The following EIF3H variants were observed in gnomAD, a reference collection of about 807,000 sequenced individuals.
EIF3H encodes eIF-3-gamma.
A neutral mutation model predicts 44.2 loss-of-function variants in EIF3H; 26 were observed. That is an observed-to-expected ratio of 0.59 (90% CI 0.43 to 0.82). EIF3H has a LOEUF of 0.82. Among genes scored for constraint, EIF3H ranks in the 40% least tolerant of loss-of-function variants. The probability of loss-of-function intolerance (pLI) is 0.00; values close to 1 mark genes in which losing one functional copy is unlikely to be tolerated. For synonymous variants in EIF3H, 166 were observed against 151.9 expected (o/e 1.09, Z -0.68); for missense variants, 359 against 432.8 (o/e 0.83, Z 1.51).
Position 116,695,229 on chromosome 8 carries a change from G to A in EIF3H, c.289+30787C>T, listed in dbSNP as rs113432671. Among the ~76,000 whole-genome samples the A allele has an allele frequency of 6.9e-3, 1,054 of 151,964 alleles. 2 individuals are homozygous for A. Among genetic ancestry groups the A allele is most frequent in the Non-Finnish European group, 0.011 (722 of 67,944 alleles). ...TTTACAGGCATGCCCCATCACGCCC[G>A]GCTAATTTTTGTATTTCTTAGTAGA... On this transcript the variant is annotated intron_variant, in intron 2 of 7. Coordinates refer to ENST00000521861, the MANE Select transcript of EIF3H (RefSeq NM_003756.3).
chr8:116,749,561 C>A (rs772413895), intron 1 of EIF3H, among the ~76,000 whole-genome samples: 11 of 152,126 alleles, frequency 7.2e-5, no homozygotes, highest in Admixed American at 7.2e-4. Context: ...AAAAGTTTAA[C>A]GGGAAGAATT....
intron 2 of EIF3H, among the ~76,000 whole-genome samples, chr8:116,719,797 C>G (rs1309170222): frequency 1.3e-5 from 2 of 151,688 alleles, no homozygotes; most frequent in African/African-American, 4.8e-5. Context: ...AAGAAAATGA[C>G]AATTCCGATT....
chr8:116,646,171 A>G (rs1722867134), intron 7 of EIF3H, among the ~76,000 whole-genome samples: 1 of 152,254 alleles, frequency 6.6e-6, no homozygotes, highest in South Asian at 2.1e-4. Context: ...GGTCTTCTGC[A>G]TTAAGACTGT....
chr8:116,644,806 A>G lies in EIF3H; in HGVS notation c.*200T>C. 2 of 523,752 alleles carry G rather than the reference A, an allele frequency of 3.8e-6. No homozygotes were observed. The highest frequency in any genetic ancestry group is 6.8e-6 in the Non-Finnish European group (2 of 293,672). 32.4% of individuals were successfully genotyped at this position (523,752 alleles called of 1,614,324 possible). On this transcript the variant is annotated 3_prime_UTR_variant, in exon 8 of 8. Coordinates refer to ENST00000521861, the MANE Select transcript of EIF3H (RefSeq NM_003756.3). The stretch of plus-strand genomic sequence containing the variant: ...CAAACAAAAGTAAGCCAGAGAAAAT[A>G]CATCTAAAATCAAATGAGCAAGCAG...
intron 2 of EIF3H, among the ~76,000 whole-genome samples, chr8:116,677,817 T>C (rs947295853): frequency 6.6e-6 from 1 of 152,228 alleles, no homozygotes; most frequent in Non-Finnish European, 1.5e-5. Context: ...TTGATTCTGT[T>C]GATAGAAATC....
intron 1 of EIF3H, among the ~76,000 whole-genome samples, chr8:116,728,292 T>C (rs1814887008): frequency 6.7e-6 from 1 of 150,244 alleles, no homozygotes; most frequent in African/African-American, 2.5e-5. Context: ...GTACTGTTAA[T>C]ACTCATTTTA....
At chr8:116,726,245 A>C in intron 1 of EIF3H, 73 bp from the exon 2 acceptor site, 1 of 1,491,000 alleles carries the variant, frequency 6.7e-7, no homozygotes, top group South Asian at 1.4e-5. Context: ...CTAAGAAAAA[A>C]CAAAAGAAAC....
intron 1 of EIF3H, among the ~76,000 whole-genome samples, chr8:116,748,269 TA>T (rs1433235477): frequency 6.6e-6 from 1 of 152,074 alleles, no homozygotes; most frequent in Non-Finnish European, 1.5e-5. Flanking sequence ...TGATAACATT[TA>T]TCCCCAAAGC....
chr8:116,711,601 A>C (rs1206581887), intron 2 of EIF3H, among the ~76,000 whole-genome samples: 1 of 152,224 alleles, frequency 6.6e-6, no homozygotes, highest in Non-Finnish European at 1.5e-5. Flanking sequence ...CAAAGAAAAA[A>C]AGATGGTCAA....
intron 2 of EIF3H, among the ~76,000 whole-genome samples, chr8:116,717,536 G>A (rs1260648314): frequency 1.3e-5 from 2 of 152,062 alleles, no homozygotes; most frequent in Non-Finnish European, 2.9e-5. Flanking sequence ...GTATGGTACT[G>A]GTATAAAAAC....
At chr8:116,684,633 G>T (rs1814044006) in intron 2 of EIF3H, among the ~76,000 whole-genome samples, 1 of 152,056 alleles carries the variant, frequency 6.6e-6, no homozygotes, top group South Asian at 2.1e-4. Context: ...CAGAAATCTG[G>T]AATATCATGA....
At chr8:116,715,962 A>T (rs1051367577) in intron 2 of EIF3H, among the ~76,000 whole-genome samples, 2 of 152,078 alleles carry the variant, frequency 1.3e-5, no homozygotes, top group Admixed American at 6.6e-5. Context: ...CTAGAAGGTA[A>T]ATTCTGTAAT....
intron 2 of EIF3H, among the ~76,000 whole-genome samples, chr8:116,683,102 G>A (rs1463739842): frequency 6.6e-6 from 1 of 152,146 alleles, no homozygotes; most frequent in East Asian, 1.9e-4. Flanking sequence ...CACACATTAA[G>A]CAGAATGCCT....
chr8:116,681,088 C>T (rs1038892248), intron 2 of EIF3H, among the ~76,000 whole-genome samples: 3 of 152,008 alleles, frequency 2.0e-5, no homozygotes, highest in Admixed American at 1.3e-4. Flanking sequence ...ACTGGCCAGG[C>T]GTGGTGGCTC....
chr8:116,763,197 T>C (rs958068738), intron 1 of EIF3H, among the ~76,000 whole-genome samples: 3 of 152,160 alleles, frequency 2.0e-5, no homozygotes, highest in African/African-American at 7.2e-5. Context: ...TCTACAGGAT[T>C]GTTAGGTGAG....
At chr8:116,712,986 G>A (rs1814599293) in intron 2 of EIF3H, among the ~76,000 whole-genome samples, 1 of 151,888 alleles carries the variant, frequency 6.6e-6, no homozygotes, top group African/African-American at 2.4e-5. Flanking sequence ...AGGATCTTTG[G>A]TTACATACTG....
chr8:116,645,410 C>T (rs144948213), intron 7 of EIF3H, among the ~76,000 whole-genome samples: 3 of 152,286 alleles, frequency 2.0e-5, no homozygotes, highest in Non-Finnish European at 4.4e-5. Flanking sequence ...ACTGAGAAAA[C>T]AGCGCTGACT....
At chr8:116,684,210 T>C (rs975114188) in intron 2 of EIF3H, among the ~76,000 whole-genome samples, 1 of 152,232 alleles carries the variant, frequency 6.6e-6, no homozygotes, top group Non-Finnish European at 1.5e-5. Flanking sequence ...GATGCTCTTA[T>C]ACAACCACTG....
chr8:116,655,705 G>A, intron 5 of EIF3H, 151 bp downstream of exon 5: 1 of 777,680 alleles, frequency 1.3e-6, no homozygotes, highest in Non-Finnish European at 2.1e-6. Flanking sequence ...ATCCTAACAG[G>A]GCCAGACTAT....
Sources: gnomAD v4.1 joint callset for allele counts (sites outside exome capture counted in the v4.1 genomes callset) on GRCh38, gnomAD v4.1.1 for gene constraint, MANE v1.5 for transcripts, NCBI Gene and HGNC (gene_info 2026-07-23, HGNC 2026-07-21) for gene names.